Variants in MATN4 observed in about 807,000 individuals in gnomAD.
MATN4 encodes the protein matrilin-4.
In MATN4, 40 loss-of-function variants were observed where a neutral mutation model predicts 54.6. The observed-to-expected ratio is 0.73, with a 90% confidence interval of 0.57 to 0.95. The LOEUF (loss-of-function observed/expected upper bound fraction) is 0.95, where lower values mean the gene tolerates loss of function less well. Ranked by LOEUF, MATN4 falls within the 40% of genes least tolerant of loss-of-function variation. The probability of loss-of-function intolerance (pLI) is 0.00; values close to 1 mark genes in which losing one functional copy is unlikely to be tolerated. For synonymous variants in MATN4, 351 were observed against 345.3 expected (o/e 1.02, Z -0.18); for missense variants, 810 against 819.1 (o/e 0.99, Z 0.13).
At chr20:45,305,480 C>T (rs1196553075) in intron 2 of MATN4, 30 bp downstream of exon 2, 2 of 1,536,962 alleles carry the variant, frequency 1.3e-6, no homozygotes, top group African/African-American at 1.4e-5. Context: ...CTCCCCTCCT[C>T]CCACTGGTGA....
intron 1 of MATN4, among the ~76,000 whole-genome samples, chr20:45,307,552 C>A (rs1245280994): frequency 6.6e-6 from 1 of 152,212 alleles, no homozygotes; most frequent in Non-Finnish European, 1.5e-5. Context: ...CCTCTGCCAC[C>A]TCCCATACTT....
At chr20:45,306,784 G>C (rs934987684) in intron 1 of MATN4, 5 of 626,610 alleles carry the variant, frequency 8.0e-6, no homozygotes, top group Non-Finnish European at 9.5e-6. Flanking sequence ...GCCGGGGCCC[G>C]GGGCCTTGGA....
At position 45,298,441 on chromosome 20, in the gene MATN4, C is replaced by T. The variant is rs771961813; in HGVS notation, c.1155G>A (p.Gly385=). ...LDVSPEGTRV[G]LVQFSSRVRT... ...GCACGCGGCTCGAGAACTGCACCAG[C>T]CCCACCCGCGTGCCCTCGGGGGACA... Residue 385 remains glycine (G), a synonymous_variant, in exon 7 of 10, where the codon GGG becomes GGA. Transcript: ENST00000372756. The surrounding 1 kb of genome is among the most constrained non-coding windows in gnomAD (Gnocchi z 4.6). The T allele has an allele frequency of 6.2e-7, 1 of 1,613,602 alleles. No individual in the cohort carries two copies. The highest frequency in any genetic ancestry group is 1.1e-5 in the South Asian group (1 of 91,052).
At position 45,301,154 on chromosome 20, in the gene MATN4, C is replaced by A; in HGVS notation, c.837G>T (p.Arg279=). 1.9e-6 allele frequency: 3 copies of A among 1,614,236 alleles called. No homozygotes were observed. The highest frequency in any genetic ancestry group is 2.5e-6 in the Non-Finnish European group (3 of 1,180,038). Residue 279 remains arginine, a synonymous_variant, in exon 5 of 10, where the codon CGG becomes CGT. Coordinates refer to ENST00000372756, the MANE Select transcript of MATN4 (RefSeq NM_001393530.1). ...HECVSTPGGP[R]CHCREGHDLQ... ...AGTCATGGCCCTCTCTGCAGTGGCA[C>A]CGTGGCCCACCAGGGGTGCTAACAC... is the stretch of plus-strand genomic sequence containing the variant.
Position 45,304,699 on chromosome 20 carries a change from T to G in MATN4, c.172A>C (p.Met58Leu), listed in dbSNP as rs111646973. 4 of 1,612,600 alleles carry G rather than the reference T, an allele frequency of 2.5e-6. No homozygotes were observed. The Admixed American group carries it at 5.0e-5, about 20-fold the overall frequency. Residue 58 changes from methionine to leucine, a missense_variant, in exon 3 of 10, where the codon ATG becomes CTG. By Grantham distance (15) the Met-to-Leu change is conservative. Coordinates refer to ENST00000372756, the MANE Select transcript of MATN4 (RefSeq NM_001393530.1). The stretch of plus-strand genomic sequence containing the variant: ...ACGTTCAGGCCTCGGAGGAGGCCCA[T>G]GAGGAACTGCCGCATGGTCTCGAAC... ...FEFETMRQFLMGLLRGLNVGP... is the reference protein window; with the variant it reads ...FEFETMRQFLLGLLRGLNVGP...
intron 3 of MATN4, 106 bp from the exon 4 acceptor site, chr20:45,301,549 C>G: frequency 8.2e-7 from 1 of 1,212,486 alleles, no homozygotes; most frequent in East Asian, 2.5e-5. Flanking sequence ...GGGCCCCAAC[C>G]CCAAAAATCC....
Position 45,293,720 on chromosome 20 carries a change from C to G in MATN4, c.*47G>C, listed in dbSNP as rs1441667103. The G allele has an allele frequency of 2.0e-6, 3 of 1,535,832 alleles. No homozygotes were observed. Among genetic ancestry groups the G allele is most frequent in the South Asian group, 1.2e-5 (1 of 85,638 alleles). On this transcript the variant is annotated 3_prime_UTR_variant, in exon 10 of 10. Coordinates refer to ENST00000372756, the MANE Select transcript of MATN4 (RefSeq NM_001393530.1). ...CGCACCGATGGCGCGCAAGGGGCAC[C>G]GTCCGTGGTGCCGCGCCCCAGCCCG... is the stretch of plus-strand genomic sequence containing the variant.
chr20:45,301,209 C>T lies in MATN4; in HGVS notation c.782G>A (p.Ser261Asn), dbSNP rs1319640272. ...ATGCTGACAGCTATGGTTCCCAAAG[C>T]TGCAGTAGTCAATGGCTGGCAGGAG... ...QRSCRAIDYC[S>N]FGNHSCQHEC... Residue 261 changes from serine (S) to asparagine (N), a missense_variant, in exon 5 of 10, where the codon AGC becomes AAC. Ser to Asn is a conservative substitution (Grantham distance 46). Transcript: ENST00000372756. The T allele has an allele frequency of 4.3e-6, 7 of 1,613,940 alleles. No homozygotes were observed.
chr20:45,295,708 C>A (rs1301090286), intron 8 of MATN4, among the ~76,000 whole-genome samples: 1 of 152,086 alleles, frequency 6.6e-6, no homozygotes, highest in Non-Finnish European at 1.5e-5. Context: ...TTTTAAAGGT[C>A]CACCAGGTGA....
In MATN4 at chr20:45,304,523, T is replaced by C. The variant is rs2233094; in HGVS notation, c.348A>G (p.Ala116=). The part of the protein sequence containing the change: ...PLAQGTMTGL[A]IQYAMNVAFS... ...AGGCCACGTTCATGGCGTACTGGAT[T>C]GCCAGTCCCGTCATGGTGCCTTGCG... Residue 116 remains alanine (A), a synonymous_variant, in exon 3 of 10, where the codon GCA becomes GCG. Coordinates refer to ENST00000372756, the MANE Select transcript of MATN4 (RefSeq NM_001393530.1). 477,827 of 1,590,330 alleles carry C rather than the reference T, an allele frequency of 0.3. 78,588 individuals are homozygous for C. The highest frequency in any genetic ancestry group is 0.74 in the East Asian group (32,367 of 43,952).
Position 45,304,308 on chromosome 20 carries a change from G to A in MATN4, c.563C>T (p.Pro188Leu). The change falls in exon 3 of 10, where the codon CCG becomes CTG. Residue 188 changes from proline (P) to leucine (L), a missense_variant. Transcript: ENST00000372756. Reference sequence around the variant, plus strand: ...TACGAGGAAGACGTGCTCGTCTAGCGGGGGCGATGCCATGGCGCGCAGGGA... The same window carrying A: ...TACGAGGAAGACGTGCTCGTCTAGCAGGGGCGATGCCATGGCGCGCAGGGA... The part of the protein sequence containing the change: ...VGSLRAMASP[P>L]LDEHVFLVES... 4 of 1,535,266 alleles carry A rather than the reference G, an allele frequency of 2.6e-6. No individual in the cohort carries two copies. The highest frequency in any genetic ancestry group is 3.5e-6 in the Non-Finnish European group (4 of 1,143,470).
chr20:45,297,522 C>T (rs1200952247), intron 8 of MATN4, among the ~76,000 whole-genome samples: 1 of 152,056 alleles, frequency 6.6e-6, no homozygotes, highest in Non-Finnish European at 1.5e-5. Context: ...CTAACAAGTT[C>T]AGGGATATAT....
chr20:45,304,860 T>C (rs1415695782), intron 2 of MATN4, 63 bp from the exon 3 acceptor site: 2 of 1,109,610 alleles, frequency 1.8e-6, no homozygotes, highest in African/African-American at 1.6e-5. Context: ...GGAGACCCCC[T>C]AGGAAACCCA....
chr20:45,308,496 A>C (rs1201835583), upstream of MATN4: 17 of 533,886 alleles, frequency 3.2e-5, no homozygotes, highest in Non-Finnish European at 5.8e-5. Context: ...ATTCAGCTAC[A>C]GCGGGAGACT....
intron 8 of MATN4, among the ~76,000 whole-genome samples, chr20:45,296,107 C>G (rs573830862): frequency 6.7e-6 from 1 of 149,528 alleles, no homozygotes. Context: ...CCCAGCTACT[C>G]GAGAGGCTGA....
chr20:45,293,864 C>T (rs1985633075), intron 9 of MATN4, 39 bp from the exon 10 acceptor site: 4 of 1,608,212 alleles, frequency 2.5e-6, no homozygotes, highest in Non-Finnish European at 2.5e-6. Context: ...CGCCGAGGTC[C>T]CTTCACTTTC....
At chr20:45,306,774 G>A (rs1289437100) in intron 1 of MATN4, 9 of 567,660 alleles carry the variant, frequency 1.6e-5, no homozygotes, top group Admixed American at 4.4e-5. Flanking sequence ...CAAACAGGGG[G>A]CCGGGGCCCG....
At chr20:45,301,971 A>G (rs1986260596) in intron 3 of MATN4, among the ~76,000 whole-genome samples, 1 of 152,154 alleles carries the variant, frequency 6.6e-6, no homozygotes, top group Admixed American at 6.5e-5. Flanking sequence ...ACTTTCAGAA[A>G]CAAAGCTGTC....
rs778280289 is a variant in MATN4, at chr20:45,298,184, C to T, written c.1412G>A (p.Arg471His). The T allele has an allele frequency of 1.3e-5, 20 of 1,596,966 alleles. No individual in the cohort carries two copies. Among genetic ancestry groups the T allele is most frequent in the Middle Eastern group, 1.7e-4 (1 of 5,994 alleles). ...SQDDISVWAARAKEEGIVMYA... is the reference protein window; with the variant it reads ...SQDDISVWAAHAKEEGIVMYA... The stretch of plus-strand genomic sequence containing the variant: ...GCCAAGCCCACCTTCCTCCTTGGCG[C>T]GCGCTGCCCACACCGAGATGTCATC... The change falls in exon 7 of 10, where the codon CGC becomes CAC. Residue 471 changes from arginine (R) to histidine (H), a missense_variant. By Grantham distance (29) the Arg-to-His change is conservative (BLOSUM62 0). Coordinates refer to ENST00000372756, the MANE Select transcript of MATN4 (RefSeq NM_001393530.1). The surrounding 1 kb of genome is among the most constrained non-coding windows in gnomAD (Gnocchi z 4.6).
Sources: gnomAD v4.1 joint callset for allele counts (sites outside exome capture counted in the v4.1 genomes callset) on GRCh38, gnomAD v4.1.1 for gene constraint, Gnocchi (gnomAD v3.1) non-coding constraint, MANE v1.5 for transcripts, NCBI Gene and HGNC (gene_info 2026-07-23, HGNC 2026-07-21) for gene names.